TACC2: variants seen among roughly 807,000 people sequenced by gnomAD.
TACC2 encodes transforming acidic coiled-coil-containing protein 2.
In TACC2, 137 loss-of-function variants were observed where a neutral mutation model predicts 227.3. The ratio of observed to expected loss-of-function variants is 0.60; its 90% CI spans 0.52 to 0.69. The LOEUF (loss-of-function observed/expected upper bound fraction) is 0.69. Ranked by LOEUF, TACC2 falls within the 30% of genes least tolerant of loss-of-function variation. The pLI is 0.00. For synonymous variants in TACC2, 1,523 were observed against 1,487.5 expected (o/e 1.02, Z -0.55); for missense variants, 3,470 against 3,694.4 (o/e 0.94, Z 1.57).
Position 122,084,437 on chromosome 10 carries a change from G to C in TACC2, c.1937G>C (p.Gly646Ala). Residue 646 changes from glycine (G) to alanine (A), a missense_variant, in exon 4 of 23, where the codon GGG (glycine) becomes GCG (alanine). Around this residue, in one of 10 missense-constraint regions of TACC2, gnomAD observed 1,924 missense variants for 1,978.3 expected, o/e 0.97. Coordinates refer to ENST00000369005, the MANE Select transcript of TACC2 (RefSeq NM_206862.4). ...AAGGGGGGTGCTGGGCACACGGACGGGCCCCACTCTCAGACAGCAGAGGCT... is the reference window on the plus strand; with the variant it reads ...AAGGGGGGTGCTGGGCACACGGACGCGCCCCACTCTCAGACAGCAGAGGCT... Reference protein sequence around the residue: ...PRKGGAGHTDGPHSQTAEADA... With the variant: ...PRKGGAGHTDAPHSQTAEADA... 6.2e-7 allele frequency: 1 copy of C among 1,612,798 alleles called. No homozygotes were observed. The highest frequency in any genetic ancestry group is 8.5e-7 in the Non-Finnish European group (1 of 1,180,018).
At chr10:122,107,878 A>ATTTTTTTTTT (rs1204393563) in intron 5 of TACC2, among the ~76,000 whole-genome samples, 9 of 88,448 alleles carry the variant, frequency 1.0e-4, no homozygotes, top group Non-Finnish European at 1.9e-4. Flanking sequence ...ATATATATAT[A>ATTTTTTTTTT]TATTTTTTTT....
At chr10:122,230,137 C>G (rs1442467277) in intron 15 of TACC2, among the ~76,000 whole-genome samples, 2 of 152,212 alleles carry the variant, frequency 1.3e-5, no homozygotes, top group African/African-American at 2.4e-5. Context: ...ACAATACTTC[C>G]TGACAATCAG....
intron 8 of TACC2, among the ~76,000 whole-genome samples, 156 bp downstream of exon 8, chr10:122,195,332 A>G (rs1197419351): frequency 6.6e-6 from 1 of 152,224 alleles, no homozygotes; most frequent in Non-Finnish European, 1.5e-5. Context: ...GTTTTCTTGA[A>G]AATGAAGGGT....
At chr10:122,063,469 G>A (rs769553985) in intron 3 of TACC2, among the ~76,000 whole-genome samples, 26 of 152,214 alleles carry the variant, frequency 1.7e-4, no homozygotes, top group Non-Finnish European at 2.9e-4. Flanking sequence ...TGGCTGAAAA[G>A]GAAGATCATG....
At chr10:122,128,519 G>A (rs558104175) in intron 5 of TACC2, among the ~76,000 whole-genome samples, 23 of 152,104 alleles carry the variant, frequency 1.5e-4, no homozygotes, top group Non-Finnish European at 2.6e-4. Flanking sequence ...CCTAATGGAC[G>A]AAGCCTGGCC....
At chr10:122,129,712 C>T (rs183938585) in intron 5 of TACC2, among the ~76,000 whole-genome samples, 1 of 152,282 alleles carries the variant, frequency 6.6e-6, no homozygotes, top group East Asian at 1.9e-4. Context: ...AGCCGGAGCT[C>T]CTGCCATCCT....
intron 1 of TACC2, among the ~76,000 whole-genome samples, chr10:121,997,620 G>A (rs1343871835): frequency 6.6e-6 from 1 of 152,084 alleles, no homozygotes; most frequent in Admixed American, 6.6e-5. Context: ...AAGAACAAAG[G>A]CAGGCCTTCC....
intron 2 of TACC2, among the ~76,000 whole-genome samples, chr10:122,040,375 C>T (rs185520081): frequency 1.3e-4 from 20 of 152,244 alleles, no homozygotes; most frequent in African/African-American, 3.4e-4. Flanking sequence ...ACAGCCCTTC[C>T]AGGGGTTTCA....
In TACC2 at chr10:122,194,386, G is replaced by A. The variant is rs1309905174; in HGVS notation, c.5835-654G>A. Among the ~76,000 whole-genome samples, 1 of 152,170 alleles carries A rather than the reference G, an allele frequency of 6.6e-6. No homozygotes were observed. Among genetic ancestry groups the A allele is most frequent in the Admixed American group, 6.5e-5 (1 of 15,276 alleles). On this transcript the variant is annotated intron_variant, in intron 7 of 22. Transcript: ENST00000369005. This position sits in a 1 kb window ranked among gnomAD's most constrained non-coding sequence, Gnocchi z 4.4. Reference sequence around the variant, plus strand: ...AGCGAGGGCCATTTTCACTGTGTCGGGGTTGGTGGCCGTGCTTTGTGTCTT... The same window carrying A: ...AGCGAGGGCCATTTTCACTGTGTCGAGGTTGGTGGCCGTGCTTTGTGTCTT...
chr10:122,195,198 C>T, intron 8 of TACC2, 22 bp downstream of exon 8: 1 of 1,595,940 alleles, frequency 6.3e-7, no homozygotes, highest in Non-Finnish European at 8.5e-7. Context: ...CAGGGAGGCC[C>T]CCAGACAGCC....
In TACC2 at chr10:122,119,475, C is replaced by T. The variant is rs182905421; in HGVS notation, c.5574-13134C>T. On this transcript the variant is annotated intron_variant, in intron 5 of 22. Transcript: ENST00000369005. Reference sequence around the variant, plus strand: ...GTGGATTTGGTGCACTGGCTTTGGGCATCCTCAGCTGAGATCTTGATCCCA... The same window carrying T: ...GTGGATTTGGTGCACTGGCTTTGGGTATCCTCAGCTGAGATCTTGATCCCA... Among the ~76,000 whole-genome samples the T allele has an allele frequency of 4.7e-4, 71 of 152,310 alleles. 3 individuals are homozygous for T. The East Asian group carries it at 0.013, about 28-fold the overall frequency.
At chr10:122,174,897 T>G (rs1391451896) in intron 7 of TACC2, among the ~76,000 whole-genome samples, 2 of 152,234 alleles carry the variant, frequency 1.3e-5, no homozygotes, top group African/African-American at 4.8e-5. Flanking sequence ...TTCTACTCTC[T>G]GCTTCTATGA....
chr10:122,219,194 C>T (rs1009776391), intron 11 of TACC2, among the ~76,000 whole-genome samples: 4 of 151,900 alleles, frequency 2.6e-5, no homozygotes, highest in African/African-American at 4.8e-5. Flanking sequence ...CTGTAGACCC[C>T]GCCTGCTGGA....
intron 1 of TACC2, among the ~76,000 whole-genome samples, chr10:121,996,845 A>C (rs1475980657): frequency 1.3e-5 from 2 of 152,104 alleles, no homozygotes; most frequent in African/African-American, 4.8e-5. Flanking sequence ...ACGTCAGGGC[A>C]GGTGCTTTAG....
chr10:122,094,793 C>A (rs1209654059), intron 5 of TACC2, among the ~76,000 whole-genome samples: 2 of 152,176 alleles, frequency 1.3e-5, no homozygotes, highest in Non-Finnish European at 2.9e-5. Context: ...CCGCTCACTG[C>A]CACTTCAAAG....
At chr10:122,108,365 T>G (rs1258741259) in intron 5 of TACC2, among the ~76,000 whole-genome samples, 2 of 151,096 alleles carry the variant, frequency 1.3e-5, no homozygotes, top group Admixed American at 6.6e-5. Flanking sequence ...CTGAGTAGTA[T>G]TCCATGCGCG....
intron 3 of TACC2, among the ~76,000 whole-genome samples, chr10:122,066,486 C>T (rs1307973547): frequency 1.3e-5 from 2 of 152,200 alleles, no homozygotes; most frequent in African/African-American, 4.8e-5. Flanking sequence ...TCAGGGTGGT[C>T]TCGAACCCCT....
At chr10:122,088,986 G>A (rs981199248) in intron 5 of TACC2, among the ~76,000 whole-genome samples, 2 of 152,112 alleles carry the variant, frequency 1.3e-5, no homozygotes, top group Admixed American at 6.5e-5. Context: ...ACAGTGGCAC[G>A]TGTCTGTAGT....
chr10:122,116,580 G>A (rs986442188), intron 5 of TACC2, among the ~76,000 whole-genome samples: 2 of 152,184 alleles, frequency 1.3e-5, no homozygotes, highest in African/African-American at 2.4e-5. Context: ...CCTGGCTCTC[G>A]AAGCTGGGGA....
Sources: gnomAD v4.1 joint callset for allele counts (sites outside exome capture counted in the v4.1 genomes callset) on GRCh38, gnomAD v4.1.1 for gene constraint, gnomAD v4.1.1 regional missense constraint, Gnocchi (gnomAD v3.1) non-coding constraint, MANE v1.5 for transcripts, NCBI Gene and HGNC (gene_info 2026-07-23, HGNC 2026-07-21) for gene names.